Variants in NRIP3 observed in about 807,000 individuals in gnomAD.
The protein encoded by NRIP3 is nuclear receptor interacting protein 3.
NRIP3 carries 31 observed loss-of-function variants against 29.0 expected under a neutral mutation model. The ratio of observed to expected loss-of-function variants is 1.07; its 90% confidence interval spans 0.80 to 1.44. The LOEUF is 1.44. Ranked by LOEUF, NRIP3 falls within the 40% of genes most tolerant of loss-of-function variation. The pLI, the probability that NRIP3 is intolerant of heterozygous loss-of-function variation, is 0.00. For missense variants in NRIP3, 314 were observed against 297.9 expected, an observed-to-expected ratio of 1.05 and a Z score of -0.40; for synonymous variants, 131 against 118.3, an observed-to-expected ratio of 1.11 and a Z score of -0.70.
chr11:9,000,435 G>T (rs898209626), intron 1 of NRIP3, among the ~76,000 whole-genome samples: 4 of 152,070 alleles, frequency 2.6e-5, no homozygotes, highest in Non-Finnish European at 5.9e-5. Context: ...GGTATTTTAT[G>T]GTAAGTTTGC....
intron 1 of NRIP3, among the ~76,000 whole-genome samples, chr11:8,989,301 T>C (rs1468031528): frequency 6.6e-6 from 1 of 152,218 alleles, no homozygotes; most frequent in African/African-American, 2.4e-5. Flanking sequence ...ATGTCCCGGC[T>C]ACAATACCAT....
At chr11:9,001,757 T>TG (rs1039025677) in intron 1 of NRIP3, among the ~76,000 whole-genome samples, 5 of 144,518 alleles carry the variant, frequency 3.5e-5, no homozygotes, top group Non-Finnish European at 7.4e-5. Flanking sequence ...CCCCAGCGCT[T>TG]GCGGCTCTCC....
rs1854404227 is a variant in NRIP3 at position 8,980,865 on chromosome 11, A to G, written c.*2680T>C. On this transcript the variant is annotated 3_prime_UTR_variant, in exon 7 of 7. Transcript: ENST00000309166. ...CAAGAAAATAGAAAGAAGTCAGAAA[A>G]TGTTATTTTCCCGAGTCAGGCATGG... 1 of 152,214 alleles carries G rather than the reference A, an allele frequency of 6.6e-6. No homozygotes were observed. Among genetic ancestry groups the G allele is most frequent in the East Asian group, 1.9e-4 (1 of 5,200 alleles). 9.4% of individuals were successfully genotyped at this position (152,214 alleles called of 1,614,324 possible).
chr11:8,983,013 G>A lies in NRIP3; in HGVS notation c.*532C>T. ...CCTCTCTGGACCTTTAAATGAAAGA[G>A]TTAAACTGTAATGGATAATGTCCCT... is the stretch of plus-strand genomic sequence containing the variant. On this transcript the variant is annotated 3_prime_UTR_variant, in exon 7 of 7. Transcript: ENST00000309166. The A allele has an allele frequency of 2.2e-6, 1 of 456,646 alleles. No individual in the cohort carries two copies. The highest frequency in any genetic ancestry group is 1.5e-5 in the South Asian group (1 of 64,554). The allele number at this position is 456,646 out of a possible 1,614,324, so 28.3% of individuals were successfully genotyped here.
upstream of NRIP3, chr11:9,004,007 A>T: frequency 7.4e-7 from 1 of 1,355,256 alleles, no homozygotes; most frequent in Non-Finnish European, 9.6e-7. Flanking sequence ...CCAGCGCCGC[A>T]AGGGCCCCGA....
Position 8,983,972 on chromosome 11 carries a change from G to A in NRIP3, c.616-3C>T, listed in dbSNP as rs1370258142. 1.9e-6 allele frequency: 3 copies of A among 1,613,612 alleles called. No individual in the cohort carries two copies. The highest frequency in any genetic ancestry group is 2.7e-5 in the African/African-American group (2 of 74,908). Reference sequence around the variant, plus strand: ...TGCTTATCCAAGTTTATGATGCACTGAAAACAGGTAACTTGTCAGTGATAC... The same window carrying A: ...TGCTTATCCAAGTTTATGATGCACTAAAAACAGGTAACTTGTCAGTGATAC... On this transcript the variant is annotated splice_region_variant and splice_polypyrimidine_tract_variant and intron_variant, in intron 5 of 6. Coordinates refer to ENST00000309166, the MANE Select transcript of NRIP3 (RefSeq NM_020645.3).
At chr11:8,989,806 C>G (rs561122982) in intron 1 of NRIP3, among the ~76,000 whole-genome samples, 1 of 152,190 alleles carries the variant, frequency 6.6e-6, no homozygotes, top group East Asian at 1.9e-4. Flanking sequence ...GGATTCCTAG[C>G]TCAAGCCATA....
chr11:8,990,219 C>T (rs1854577027), intron 1 of NRIP3, among the ~76,000 whole-genome samples: 1 of 152,156 alleles, frequency 6.6e-6, no homozygotes, highest in Non-Finnish European at 1.5e-5. Flanking sequence ...CTTTAATCAC[C>T]CTCCTTATCT....
chr11:8,983,622 G>A, intron 6 of NRIP3, 62 bp from the exon 7 acceptor site: 2 of 1,541,636 alleles, frequency 1.3e-6, no homozygotes, highest in South Asian at 1.1e-5. Context: ...TAAGCTGAAG[G>A]CAAGTAAAAT....
chr11:9,004,022 C>G (rs1268963055), upstream of NRIP3: 1 of 1,289,486 alleles, frequency 7.8e-7, no homozygotes, highest in African/African-American at 1.6e-5. Context: ...CCCCGAGCCG[C>G]GCCTTTTATA....
chr11:8,983,629 A>C lies in NRIP3; in HGVS notation c.711-69T>G, dbSNP rs148148944. ...AAAAAAGTTAAGCTGAAGGCAAGTA[A>C]AATTTTGCTTTCAAAGCTAGTCATT... On this transcript the variant is annotated intron_variant, in intron 6 of 6. Transcript: ENST00000309166. 1.3e-4 allele frequency: 187 copies of C among 1,491,136 alleles called. No homozygotes were observed. The East Asian group carries it at 4.1e-3, about 33-fold the overall frequency. 92.4% of individuals were successfully genotyped at this position (1,491,136 alleles called of 1,614,324 possible).
intron 1 of NRIP3, among the ~76,000 whole-genome samples, chr11:8,995,657 T>C (rs1854688655): frequency 6.6e-6 from 1 of 152,230 alleles, no homozygotes; most frequent in Admixed American, 6.5e-5. Context: ...CTCCAGTCCA[T>C]TCTTTGCATG....
intron 1 of NRIP3, among the ~76,000 whole-genome samples, chr11:8,990,461 A>T (rs995240125): frequency 6.6e-5 from 10 of 152,190 alleles, no homozygotes; most frequent in African/African-American, 2.4e-4. Flanking sequence ...TGCTCAATGT[A>T]AAATACTTAA....
At chr11:8,989,643 G>A (rs1033329179) in intron 1 of NRIP3, among the ~76,000 whole-genome samples, 2 of 152,198 alleles carry the variant, frequency 1.3e-5, no homozygotes, top group African/African-American at 4.8e-5. Flanking sequence ...TGGAGGGAGA[G>A]GCACTTGTAA....
Position 8,983,442 on chromosome 11 carries a change from G to T in NRIP3, c.*103C>A. On this transcript the variant is annotated 3_prime_UTR_variant, in exon 7 of 7. Coordinates refer to ENST00000309166, the MANE Select transcript of NRIP3 (RefSeq NM_020645.3). Reference sequence around the variant, plus strand: ...GAGCTTCTATTAGATGGAAGGACTTGGTCCACAGCAAGTCACTACGGCATT... The same window carrying T: ...GAGCTTCTATTAGATGGAAGGACTTTGTCCACAGCAAGTCACTACGGCATT... 2 of 1,048,322 alleles carry T rather than the reference G, an allele frequency of 1.9e-6. No individual in the cohort carries two copies. The highest frequency in any genetic ancestry group is 2.5e-5 in the East Asian group (1 of 40,538). 64.9% of individuals were successfully genotyped at this position (1,048,322 alleles called of 1,614,324 possible).
At chr11:8,995,585 A>G (rs1854687197) in intron 1 of NRIP3, among the ~76,000 whole-genome samples, 2 of 152,170 alleles carry the variant, frequency 1.3e-5, no homozygotes, top group Admixed American at 6.5e-5. Context: ...CCAAACCACT[A>G]TAATTTCTTA....
chr11:8,985,652 TG>T (rs1240639871), intron 4 of NRIP3, 58 bp downstream of exon 4: 2 of 1,566,680 alleles, frequency 1.3e-6, no homozygotes, highest in Non-Finnish European at 1.7e-6. Flanking sequence ...GAGGTTTTGT[TG>T]GGGGTAGGGA....
intron 1 of NRIP3, among the ~76,000 whole-genome samples, chr11:8,996,409 G>A (rs1322110603): frequency 6.7e-6 from 1 of 148,684 alleles, no homozygotes; most frequent in Non-Finnish European, 1.5e-5. Context: ...AGCCTCTCCA[G>A]TAGCTGGACT....
chr11:8,996,297 T>TTG (rs1701529624), intron 1 of NRIP3, among the ~76,000 whole-genome samples: 1 of 143,932 alleles, frequency 6.9e-6, no homozygotes, highest in South Asian at 2.2e-4. Context: ...TTTTTTTTTT[T>TTG]TTGAGATGGA....
Sources: gnomAD v4.1 joint callset for allele counts (sites outside exome capture counted in the v4.1 genomes callset) on GRCh38, gnomAD v4.1.1 for gene constraint, MANE v1.5 for transcripts, NCBI Gene and HGNC (gene_info 2026-07-23, HGNC 2026-07-21) for gene names.